KLHL22: variants seen among roughly 807,000 people sequenced by gnomAD.
The protein encoded by KLHL22 is kelch like family member 22, also known as kelch-like protein 22.
A neutral mutation model predicts 60.7 loss-of-function variants in KLHL22; 18 were observed. That is an observed-to-expected ratio of 0.30 (90% confidence interval 0.20 to 0.44). The LOEUF is 0.44. KLHL22 is among the 20% of genes least tolerant of loss of function. KLHL22 has a pLI of 1.00. For synonymous variants in KLHL22, 355 were observed against 354.5 expected, an observed-to-expected ratio of 1.00 and a Z score of -0.01; for missense variants, 596 against 852.3, an observed-to-expected ratio of 0.70 and a Z score of 3.74.
intron 5 of KLHL22, among the ~76,000 whole-genome samples, chr22:20,454,670 G>C (rs1292600801): frequency 6.6e-6 from 1 of 152,024 alleles, no homozygotes; most frequent in African/African-American, 2.4e-5. Context: ...AGGAATACTA[G>C]TATTCCTGTA....
intron 4 of KLHL22, among the ~76,000 whole-genome samples, chr22:20,464,109 G>A (rs2053194532): frequency 6.6e-6 from 1 of 152,190 alleles, no homozygotes; most frequent in Non-Finnish European, 1.5e-5. Flanking sequence ...TTGTGGGCCT[G>A]AACCACTGTC....
At chr22:20,451,375 G>A (rs191471086) in intron 5 of KLHL22, 293 of 1,611,710 alleles carry the variant, frequency 1.8e-4, no homozygotes, top group African/African-American at 8.1e-4. Context: ...GGAAGGTGCC[G>A]GACTCGTAGT....
intron 2 of KLHL22, among the ~76,000 whole-genome samples, chr22:20,487,853 G>C (rs917469097): frequency 2.6e-5 from 4 of 152,218 alleles, no homozygotes; most frequent in Admixed American, 2.0e-4. Flanking sequence ...GTGAGCCCAG[G>C]GGATCCCATA....
At chr22:20,451,196 A>T in intron 5 of KLHL22, 1 of 1,597,512 alleles carries the variant, frequency 6.3e-7, no homozygotes, top group East Asian at 2.2e-5. Flanking sequence ...GGGGTCTGGT[A>T]TTCTGTGGCC....
rs532507510 is a variant in KLHL22, at chr22:20,468,671, TTTTG to T, written c.393+2675_393+2678del. The stretch of plus-strand genomic sequence containing the variant: ...CAATATTGTGAAGAAGCCTGTTTTT[TTTTG>T]TTTGTTTGTTTTTTGTTTTGAGATA... On this transcript the variant is annotated intron_variant, in intron 3 of 6. Coordinates refer to ENST00000328879, the MANE Select transcript of KLHL22 (RefSeq NM_032775.4). Among the ~76,000 whole-genome samples, 49 of 152,268 alleles carry T rather than the reference TTTTG, an allele frequency of 3.2e-4. No individual in the cohort carries two copies. In the South Asian group the frequency reaches 6.4e-3, roughly 20 times the overall value.
chr22:20,490,675 C>T (rs2053672100), intron 1 of KLHL22, among the ~76,000 whole-genome samples: 1 of 152,144 alleles, frequency 6.6e-6, no homozygotes, highest in Non-Finnish European at 1.5e-5. Context: ...ACTGTTCCAC[C>T]TCAGATTATC....
At chr22:20,455,127 C>G (rs1200448141) in intron 5 of KLHL22, among the ~76,000 whole-genome samples, 2 of 152,204 alleles carry the variant, frequency 1.3e-5, no homozygotes, top group Admixed American at 1.3e-4. Flanking sequence ...GGTGATCCCC[C>G]CCGCCTGGGC....
chr22:20,443,544 T>C (rs933754447), intron 6 of KLHL22, among the ~76,000 whole-genome samples: 1 of 151,074 alleles, frequency 6.6e-6, no homozygotes, highest in Non-Finnish European at 1.5e-5. Flanking sequence ...ATCAAGACCA[T>C]CCTGGCCAAC....
At chr22:20,462,095 A>G (rs2053163563) in intron 4 of KLHL22, among the ~76,000 whole-genome samples, 1 of 151,026 alleles carries the variant, frequency 6.6e-6, no homozygotes, top group Non-Finnish European at 1.5e-5. Flanking sequence ...GCGAGACTCC[A>G]TCTCAAAACA....
At position 20,495,517 on chromosome 22, in the gene KLHL22, T is replaced by C; in HGVS notation, c.-34+243A>G. On this transcript the variant is annotated intron_variant, in intron 1 of 6. Transcript: ENST00000328879. This position sits in a 1 kb window ranked among gnomAD's most constrained non-coding sequence, Gnocchi z 4.6. Reference sequence around the variant, plus strand: ...TGAGGAGGCCTCGCACCCTGGCCCCTGGCCGAGCGCCAGATCCCGGCCCCT... The same window carrying C: ...TGAGGAGGCCTCGCACCCTGGCCCCCGGCCGAGCGCCAGATCCCGGCCCCT... Among the ~76,000 whole-genome samples the C allele has an allele frequency of 1.3e-5, 2 of 151,514 alleles. No homozygotes were observed. The highest frequency in any genetic ancestry group is 3.9e-4 in the East Asian group (2 of 5,180).
chr22:20,462,067 C>T (rs908998222), intron 4 of KLHL22, among the ~76,000 whole-genome samples: 1 of 151,962 alleles, frequency 6.6e-6, no homozygotes, highest in Non-Finnish European at 1.5e-5. Context: ...CATTGCACTC[C>T]AGCCTGGGCA....
At chr22:20,455,553 C>T (rs1320930524) in intron 5 of KLHL22, among the ~76,000 whole-genome samples, 1 of 152,150 alleles carries the variant, frequency 6.6e-6, no homozygotes, top group Non-Finnish European at 1.5e-5. Flanking sequence ...GGACTATGAC[C>T]TCTGAGACAT....
Position 20,441,940 on chromosome 22 carries a change from G to C in KLHL22, c.*133C>G. The stretch of plus-strand genomic sequence containing the variant: ...GCCAAGGGGCTGGTGTGAAGAAAGA[G>C]GGCAGGGCCCATAAGCTGTGGCCAA... On this transcript the variant is annotated 3_prime_UTR_variant, in exon 7 of 7. Transcript: ENST00000328879. 1 of 892,448 alleles carries C rather than the reference G, an allele frequency of 1.1e-6. No individual in the cohort carries two copies. Among genetic ancestry groups the C allele is most frequent in the Middle Eastern group, 3.6e-4 (1 of 2,764 alleles). 55.3% of individuals were successfully genotyped at this position (892,448 alleles called of 1,614,324 possible).
At chr22:20,473,107 G>C (rs1480597355) in intron 2 of KLHL22, among the ~76,000 whole-genome samples, 1 of 152,234 alleles carries the variant, frequency 6.6e-6, no homozygotes, top group East Asian at 1.9e-4. Flanking sequence ...CCCACAGAGT[G>C]ATGTGAACTG....
intron 3 of KLHL22, among the ~76,000 whole-genome samples, chr22:20,466,581 C>T (rs1486302236): frequency 5.9e-5 from 9 of 152,128 alleles, no homozygotes; most frequent in African/African-American, 2.2e-4. Flanking sequence ...GAACATCCAC[C>T]CTGGTTCCCT....
chr22:20,476,448 T>G (rs951634593), intron 2 of KLHL22, among the ~76,000 whole-genome samples: 56 of 142,204 alleles, frequency 3.9e-4, no homozygotes, highest in Non-Finnish European at 7.7e-4. Context: ...GAAGTCTTGC[T>G]GTTGCCCAGG....
At chr22:20,466,533 G>T (rs1211859343) in intron 3 of KLHL22, among the ~76,000 whole-genome samples, 1 of 152,210 alleles carries the variant, frequency 6.6e-6, no homozygotes, top group South Asian at 2.1e-4. Flanking sequence ...CTCCAAAAGC[G>T]CTGGGACCAG....
intron 2 of KLHL22, chr22:20,482,067 C>G (rs1272100847): frequency 6.6e-6 from 1 of 152,108 alleles, no homozygotes; most frequent in East Asian, 1.9e-4. Context: ...CAACCCTGCT[C>G]CAGGAAGGTC....
chr22:20,493,081 C>T (rs1000328287), intron 1 of KLHL22: 2 of 462,276 alleles, frequency 4.3e-6, no homozygotes, highest in Non-Finnish European at 9.0e-6. Context: ...GTCAAGAGGG[C>T]CTCCTTCTCT....
Sources: gnomAD v4.1 joint callset for allele counts (sites outside exome capture counted in the v4.1 genomes callset) on GRCh38, gnomAD v4.1.1 for gene constraint, Gnocchi (gnomAD v3.1) non-coding constraint, MANE v1.5 for transcripts, NCBI Gene and HGNC (gene_info 2026-07-23, HGNC 2026-07-21) for gene names.